KCNQ1OT1: variants seen among roughly 807,000 people sequenced by gnomAD.
KCNQ1OT1 encodes the protein KCNQ1 antisense RNA 2 (non-protein coding).
rs1158235444 is a variant in KCNQ1OT1 at position 2,645,365 on chromosome 11, C to T, written n.54630G>A. 1 of 398,578 alleles carries T rather than the reference C, an allele frequency of 2.5e-6. No homozygotes were observed. The highest frequency in any genetic ancestry group is 4.4e-6 in the Non-Finnish European group (1 of 226,190). The allele number at this position is 398,578 out of a possible 1,614,324, so 24.7% of individuals were successfully genotyped here. ...GGCCCAGAGATGGTATGCGCTGGCA[C>T]TGGGAGAAAAGAGGGTGGGACCAGG... On this transcript the variant is annotated non_coding_transcript_exon_variant, in exon 1 of 1. Coordinates refer to ENST00000597346, the Ensembl canonical transcript of KCNQ1OT1. This position sits in a 1 kb window ranked among gnomAD's most constrained non-coding sequence, Gnocchi z 5.8.
exon 1 of KCNQ1OT1, chr11:2,660,986 T>C (rs1402245810): frequency 5.0e-6 from 2 of 398,526 alleles, no homozygotes; most frequent in Non-Finnish European, 4.4e-6. Context: ...TATTATGTAA[T>C]GACTAAAATA....
Position 2,690,096 on chromosome 11 carries a change from C to T in KCNQ1OT1, n.9899G>A, listed in dbSNP as rs1176057406. ...GGGCTGAAGGCACAGCAGGGACAAT[C>T]GCTCTTCCGGGGTTAGAACTGGGGG... On this transcript the variant is annotated non_coding_transcript_exon_variant, in exon 1 of 1. Transcript: ENST00000597346. This position sits in a 1 kb window ranked among gnomAD's most constrained non-coding sequence, Gnocchi z 5.1. 1.0e-5 allele frequency: 4 copies of T among 398,808 alleles called. No individual in the cohort carries two copies. Among genetic ancestry groups the T allele is most frequent in the Non-Finnish European group, 1.8e-5 (4 of 226,288 alleles). 24.7% of individuals were successfully genotyped at this position (398,808 alleles called of 1,614,324 possible).
chr11:2,667,577 G>C (rs1195477215), exon 1 of KCNQ1OT1: 5 of 398,390 alleles, frequency 1.3e-5, no homozygotes, highest in Non-Finnish European at 2.2e-5. Context: ...TTGGGGCAGG[G>C]GGTCGGGGCG....
Position 2,698,645 on chromosome 11 carries a change from T to A in KCNQ1OT1, n.1350A>T, listed in dbSNP as rs184132449. ...ACCCCACTGAGACCTCTAACCCCAA[T>A]CCCAATCTCTTAACTCAGAGCCCCC... On this transcript the variant is annotated non_coding_transcript_exon_variant, in exon 1 of 1. Transcript: ENST00000597346. The surrounding 1 kb of genome is among the most constrained non-coding windows in gnomAD (Gnocchi z 5.1). The A allele has an allele frequency of 3.7e-4, 149 of 397,614 alleles. No individual in the cohort carries two copies. Among genetic ancestry groups the A allele is most frequent in the African/African-American group, 2.6e-3 (126 of 48,276 alleles). The allele number at this position is 397,614 out of a possible 1,614,324, so 24.6% of individuals were successfully genotyped here.
rs1006178344 is a variant in KCNQ1OT1 at position 2,663,668 on chromosome 11, C to T, written n.36327G>A. On this transcript the variant is annotated non_coding_transcript_exon_variant, in exon 1 of 1. Transcript: ENST00000597346. The surrounding 1 kb of genome is among the most constrained non-coding windows in gnomAD (Gnocchi z 5.2). The stretch of plus-strand genomic sequence containing the variant: ...ACTGGGAGGAGAGGGCCATCACCCA[C>T]AGTCCATCTAGCTGGGCAGCCAGGC... 4 of 398,618 alleles carry T rather than the reference C, an allele frequency of 1.0e-5. No individual in the cohort carries two copies. The highest frequency in any genetic ancestry group is 8.2e-5 in the African/African-American group (4 of 48,654). 24.7% of individuals were successfully genotyped at this position (398,618 alleles called of 1,614,324 possible).
chr11:2,630,886 A>C (rs1849341573), exon 1 of KCNQ1OT1: 2 of 398,390 alleles, frequency 5.0e-6, no homozygotes, highest in Non-Finnish European at 8.8e-6. Flanking sequence ...TATCTTTCAG[A>C]ACTTTGAATA....
rs370487443 is a variant in KCNQ1OT1, at chr11:2,664,191, G to A, written n.35804C>T. 5.0e-6 allele frequency: 2 copies of A among 398,612 alleles called. No homozygotes were observed. Among genetic ancestry groups the A allele is most frequent in the East Asian group, 3.6e-5 (1 of 28,082 alleles). The allele number at this position is 398,612 out of a possible 1,614,324, so 24.7% of individuals were successfully genotyped here. A position where few individuals can be genotyped will look rare whatever the true frequency, so the allele number is the denominator to read the frequency against. ...TGGCTGCTAGATATGAGCCAGCCTG[G>A]GAAGGCAGGAAGGAGCCCAGGCATG... On this transcript the variant is annotated non_coding_transcript_exon_variant, in exon 1 of 1. Transcript: ENST00000597346. The surrounding 1 kb of genome is among the most constrained non-coding windows in gnomAD (Gnocchi z 5.1).
At position 2,617,029 on chromosome 11, in the gene KCNQ1OT1, A is replaced by G. The variant is rs1388313896; in HGVS notation, n.82966T>C. On this transcript the variant is annotated non_coding_transcript_exon_variant, in exon 1 of 1. Transcript: ENST00000597346. The surrounding 1 kb of genome is among the most constrained non-coding windows in gnomAD (Gnocchi z 4.6). ...TAAAACATACAGTTAAATCGTTAAC[A>G]TAGTGATGCAAATTAATATGTCCAT... is the stretch of plus-strand genomic sequence containing the variant. 1.0e-5 allele frequency: 4 copies of G among 398,104 alleles called. No individual in the cohort carries two copies. The Admixed American group carries it at 1.8e-4, about 18-fold the overall frequency. 24.7% of individuals were successfully genotyped at this position (398,104 alleles called of 1,614,324 possible). A position where few individuals can be genotyped will look rare whatever the true frequency, so the allele number is the denominator to read the frequency against.
chr11:2,693,556 C>CT, exon 1 of KCNQ1OT1: 1 of 398,668 alleles, frequency 2.5e-6, no homozygotes, highest in Non-Finnish European at 4.4e-6. Flanking sequence ...GAGCCCAAGG[C>CT]TTTTCGGAGG....
rs1590032841 is a variant in KCNQ1OT1 at position 2,687,513 on chromosome 11, G to T, written n.12482C>A. The T allele has an allele frequency of 1.5e-5, 6 of 398,720 alleles. No homozygotes were observed. The East Asian group carries it at 2.1e-4, about 14-fold the overall frequency. 24.7% of individuals were successfully genotyped at this position (398,720 alleles called of 1,614,324 possible). On this transcript the variant is annotated non_coding_transcript_exon_variant, in exon 1 of 1. Coordinates refer to ENST00000597346, the Ensembl canonical transcript of KCNQ1OT1. The surrounding 1 kb of genome is among the most constrained non-coding windows in gnomAD (Gnocchi z 5.0). ...CCAGGCACCCTAGGACTTGAGACCA[G>T]CCTCCTCTGTATGGTCCCTTCCCTG...
chr11:2,648,981 C>CTTTTTTTTTTTTTTTTTT, exon 1 of KCNQ1OT1: 24 of 213,300 alleles, frequency 1.1e-4, no homozygotes, highest in Admixed American at 3.9e-4. Context: ...TTTTCTTTTT[C>CTTTTTTTTTTTTTTTTTT]TTTTTTTTTT....
In KCNQ1OT1 at chr11:2,627,483, C is replaced by T. The variant is rs1408564594; in HGVS notation, n.72512G>A. On this transcript the variant is annotated non_coding_transcript_exon_variant, in exon 1 of 1. Transcript: ENST00000597346. The surrounding 1 kb of genome is among the most constrained non-coding windows in gnomAD (Gnocchi z 4.9). Reference sequence around the variant, plus strand: ...CCTACTCCCTGACCCCTAGTAACCACCCTTCTACTCTCCGTTTCTCTGAGT... The same window carrying T: ...CCTACTCCCTGACCCCTAGTAACCATCCTTCTACTCTCCGTTTCTCTGAGT... The T allele has an allele frequency of 5.0e-6, 2 of 398,418 alleles. No individual in the cohort carries two copies. Among genetic ancestry groups the T allele is most frequent in the African/African-American group, 2.1e-5 (1 of 48,604 alleles). The allele number at this position is 398,418 out of a possible 1,614,324, so 24.7% of individuals were successfully genotyped here. A position where few individuals can be genotyped will look rare whatever the true frequency, so the allele number is the denominator to read the frequency against.
chr11:2,632,143 A>T, exon 1 of KCNQ1OT1: 1 of 390,794 alleles, frequency 2.6e-6, no homozygotes, highest in Non-Finnish European at 4.4e-6. Context: ...AGATCGCGCC[A>T]CTACACTCTA....
rs770137262 is a variant in KCNQ1OT1, at chr11:2,657,582, T to C, written n.42413A>G. 1 of 398,514 alleles carries C rather than the reference T, an allele frequency of 2.5e-6. No individual in the cohort carries two copies. Among genetic ancestry groups the C allele is most frequent in the African/African-American group, 2.1e-5 (1 of 48,646 alleles). 24.7% of individuals were successfully genotyped at this position (398,514 alleles called of 1,614,324 possible). ...CTAATGTTAGCATCTTATATAACCA[T>C]GGTACATTGACCAAAACTAAAAAAT... is the stretch of plus-strand genomic sequence containing the variant. On this transcript the variant is annotated non_coding_transcript_exon_variant, in exon 1 of 1. Coordinates refer to ENST00000597346, the Ensembl canonical transcript of KCNQ1OT1. This position sits in a 1 kb window ranked among gnomAD's most constrained non-coding sequence, Gnocchi z 4.8.
Position 2,659,035 on chromosome 11 carries a change from ACTG to A in KCNQ1OT1, n.40957_40959del. On this transcript the variant is annotated non_coding_transcript_exon_variant, in exon 1 of 1. Transcript: ENST00000597346. This position sits in a 1 kb window ranked among gnomAD's most constrained non-coding sequence, Gnocchi z 4.3. The stretch of plus-strand genomic sequence containing the variant: ...CAGCTCCTCCTCCTCCTTTCCTTTC[ACTG>A]CTATGTCATTTGTTTGTAACACGCT... 1 of 398,340 alleles carries A rather than the reference ACTG, an allele frequency of 2.5e-6. No individual in the cohort carries two copies. The highest frequency in any genetic ancestry group is 4.4e-6 in the Non-Finnish European group (1 of 226,012). 24.7% of individuals were successfully genotyped at this position (398,340 alleles called of 1,614,324 possible).
exon 1 of KCNQ1OT1, chr11:2,625,447 T>G (rs796969270): frequency 2.5e-6 from 1 of 398,442 alleles, no homozygotes; most frequent in South Asian, 1.3e-4. Flanking sequence ...TTAATAGTAG[T>G]CATCTGAGTG....
rs1176211642 is a variant in KCNQ1OT1, at chr11:2,679,355, C to T, written n.20640G>A. The stretch of plus-strand genomic sequence containing the variant: ...TAATTCCACTACTTTCTACCTGCTA[C>T]ACCTTGAGTGAGTCACTTAGTCTCA... On this transcript the variant is annotated non_coding_transcript_exon_variant, in exon 1 of 1. Coordinates refer to ENST00000597346, the Ensembl canonical transcript of KCNQ1OT1. This position sits in a 1 kb window ranked among gnomAD's most constrained non-coding sequence, Gnocchi z 4.8. 2.3e-5 allele frequency: 9 copies of T among 398,542 alleles called. No individual in the cohort carries two copies. The highest frequency in any genetic ancestry group is 1.3e-4 in the South Asian group (1 of 7,866). The allele number at this position is 398,542 out of a possible 1,614,324, so 24.7% of individuals were successfully genotyped here.
In KCNQ1OT1 at chr11:2,658,810, CTTAT is replaced by C. The variant is rs1434712098; in HGVS notation, n.41181_41184del. ...TTCATCCTTGCCCCCTCCCCCACAA[CTTAT>C]TTATAGCTTTTTCTCTGACAGCTAG... On this transcript the variant is annotated non_coding_transcript_exon_variant, in exon 1 of 1. Transcript: ENST00000597346. This position sits in a 1 kb window ranked among gnomAD's most constrained non-coding sequence, Gnocchi z 4.9. The C allele has an allele frequency of 1.3e-5, 5 of 398,512 alleles. No individual in the cohort carries two copies. Among genetic ancestry groups the C allele is most frequent in the African/African-American group, 1.0e-4 (5 of 48,620 alleles). 24.7% of individuals were successfully genotyped at this position (398,512 alleles called of 1,614,324 possible).
chr11:2,622,356 A>G lies in KCNQ1OT1; in HGVS notation n.77639T>C, dbSNP rs73415372. The G allele has an allele frequency of 3.4e-3, 1,338 of 398,258 alleles. 16 individuals carry two copies. Among genetic ancestry groups the G allele is most frequent in the African/African-American group, 0.026 (1,243 of 48,702 alleles). 24.7% of individuals were successfully genotyped at this position (398,258 alleles called of 1,614,324 possible). ...ATTCAAGTTTATTTCTTTTATTAGT[A>G]TAATTACCTCCAGCTTTCTTTAGGT... On this transcript the variant is annotated non_coding_transcript_exon_variant, in exon 1 of 1. Coordinates refer to ENST00000597346, the Ensembl canonical transcript of KCNQ1OT1.
Sources: allele counts gnomAD v4.1 joint callset, GRCh38; gene constraint gnomAD v4.1.1; non-coding constraint Gnocchi (gnomAD v3.1); transcripts MANE v1.5; gene names NCBI Gene and HGNC (gene_info 2026-07-23, HGNC 2026-07-21).